Variants in FOXP1 observed in about 807,000 individuals in gnomAD.
The protein encoded by FOXP1 is forkhead box P1.
A neutral mutation model predicts 98.2 loss-of-function variants in FOXP1; 15 were observed. That is an observed-to-expected ratio of 0.15 (90% CI 0.10 to 0.24). The LOEUF (loss-of-function observed/expected upper bound fraction) is 0.24. Ranked by LOEUF, FOXP1 falls within the 10% of genes least tolerant of loss-of-function variation. The pLI is 1.00. For missense variants in FOXP1, 633 were observed against 848.5 expected, an observed-to-expected ratio of 0.75 and a Z score of 3.15; for synonymous variants, 371 against 314.5, an observed-to-expected ratio of 1.18 and a Z score of -1.90.
intron 5 of FOXP1, chr3:71,288,329 T>C (rs2072390037): frequency 6.6e-6 from 1 of 152,228 alleles, no homozygotes. Context: ...TCCTGGATGC[T>C]TGAGGATTTG....
At chr3:71,156,854 T>C (rs907758825) in intron 6 of FOXP1, among the ~76,000 whole-genome samples, 1 of 152,192 alleles carries the variant, frequency 6.6e-6, no homozygotes, top group Non-Finnish European at 1.5e-5. Context: ...GTGGGCCTCC[T>C]AGGCTGCTCA....
At position 71,378,193 on chromosome 3, in the gene FOXP1, G is replaced by T. The variant is rs970167460; in HGVS notation, c.-167-18949C>A. Among the ~76,000 whole-genome samples, 29 of 30,982 alleles carry T rather than the reference G, an allele frequency of 9.4e-4. 1 individual carries two copies. The South Asian group carries it at 0.014, about 14-fold the overall frequency. 20.3% of individuals were successfully genotyped at this position (30,982 alleles called of 152,430 possible). On this transcript the variant is annotated intron_variant, in intron 3 of 20. Coordinates refer to ENST00000649528, the MANE Select transcript of FOXP1 (RefSeq NM_001349338.3). ...GGGTGGATAAAGAGACTCTTTTCTG[G>T]GTCGCTAGCTTCTCTTCCTTTTGCC...
chr3:71,379,407 T>G (rs1242225128), intron 3 of FOXP1, among the ~76,000 whole-genome samples: 1 of 152,174 alleles, frequency 6.6e-6, no homozygotes, highest in Non-Finnish European at 1.5e-5. Flanking sequence ...GTCTAATGCC[T>G]AACACATGTT....
intron 3 of FOXP1, among the ~76,000 whole-genome samples, chr3:71,437,089 T>C (rs541133304): frequency 2.2e-4 from 33 of 152,272 alleles, no homozygotes; most frequent in Admixed American, 3.9e-4. Flanking sequence ...GTCTCTTTGA[T>C]CCAACAATGT....
intron 3 of FOXP1, among the ~76,000 whole-genome samples, chr3:71,431,462 G>A (rs1036645018): frequency 3.9e-5 from 6 of 152,186 alleles, no homozygotes; most frequent in East Asian, 3.9e-4. Flanking sequence ...GCTAAGCTAC[G>A]AGCTTCAGGC....
rs1221312274 is a variant in FOXP1 at position 71,101,432 on chromosome 3, A to G, written c.282+11104T>C. ...GGGGGAAAGAGTGAACTTGGGTTCC[A>G]GAAATGAACTGGGAAGCAGAAAGAA... On this transcript the variant is annotated intron_variant, in intron 7 of 20. Transcript: ENST00000649528. Among the ~76,000 whole-genome samples the G allele has an allele frequency of 2.6e-5, 4 of 151,922 alleles. No individual in the cohort carries two copies. The East Asian group carries it at 7.7e-4, about 29-fold the overall frequency.
At chr3:71,473,441 C>T (rs1577704270) in intron 3 of FOXP1, among the ~76,000 whole-genome samples, 1 of 152,080 alleles carries the variant, frequency 6.6e-6, no homozygotes, top group South Asian at 2.1e-4. Flanking sequence ...TCAGAAGTGG[C>T]TCCCCTCATG....
At chr3:71,032,171 A>C (rs1440850676) in intron 11 of FOXP1, among the ~76,000 whole-genome samples, 1 of 152,242 alleles carries the variant, frequency 6.6e-6, no homozygotes, top group Non-Finnish European at 1.5e-5. Flanking sequence ...TGAATGGGAC[A>C]GATTGCCATA....
At position 71,084,972 on chromosome 3, in the gene FOXP1, T is replaced by C. The variant is rs145628710; in HGVS notation, c.282+27564A>G. ...TTGCTTGAATAAATAAACAAACAAA[T>C]CAATCAATCAATCATTGTTTAAATA... On this transcript the variant is annotated intron_variant, in intron 7 of 20. Transcript: ENST00000649528. Among the ~76,000 whole-genome samples, 350 of 151,832 alleles carry C rather than the reference T, an allele frequency of 2.3e-3. 1 individual carries two copies. The highest frequency in any genetic ancestry group is 8.1e-3 in the African/African-American group (336 of 41,508).
At chr3:71,568,354 G>C (rs974858976) in intron 2 of FOXP1, among the ~76,000 whole-genome samples, 2 of 152,148 alleles carry the variant, frequency 1.3e-5, no homozygotes, top group African/African-American at 4.8e-5. Context: ...GTCCCAACCT[G>C]GTCCTCCTGT....
At chr3:71,375,480 A>T (rs1260410004) in intron 3 of FOXP1, among the ~76,000 whole-genome samples, 2 of 152,182 alleles carry the variant, frequency 1.3e-5, no homozygotes, top group Admixed American at 6.5e-5. Flanking sequence ...TTTGTATAGC[A>T]TACCTTACCT....
At chr3:71,552,011 T>C (rs2045816474) in intron 2 of FOXP1, among the ~76,000 whole-genome samples, 2 of 152,172 alleles carry the variant, frequency 1.3e-5, no homozygotes, top group African/African-American at 4.8e-5. Flanking sequence ...AAGCATGCCA[T>C]TCATCCTTTA....
chr3:71,126,312 G>A (rs893516750), intron 6 of FOXP1, among the ~76,000 whole-genome samples: 8 of 144,920 alleles, frequency 5.5e-5, no homozygotes, highest in African/African-American at 1.6e-4. Context: ...GCGAAACCCC[G>A]TCTCTATTAA....
intron 7 of FOXP1, among the ~76,000 whole-genome samples, chr3:71,106,148 C>T (rs1348921288): frequency 6.6e-6 from 1 of 152,226 alleles, no homozygotes; most frequent in Non-Finnish European, 1.5e-5. Flanking sequence ...TTTAAGGACA[C>T]TGCCTATACT....
intron 6 of FOXP1, among the ~76,000 whole-genome samples, chr3:71,149,691 C>T (rs1017350577): frequency 2.0e-5 from 3 of 152,204 alleles, no homozygotes; most frequent in African/African-American, 7.2e-5. Context: ...ATGCCTCCAT[C>T]TAATTCAGCT....
chr3:71,042,703 C>A (rs1485299888), intron 10 of FOXP1, among the ~76,000 whole-genome samples: 1 of 152,138 alleles, frequency 6.6e-6, no homozygotes, highest in Admixed American at 6.5e-5. Flanking sequence ...GCAGCTGAAA[C>A]AGGCATGTTT....
intron 4 of FOXP1, among the ~76,000 whole-genome samples, chr3:71,314,808 G>A (rs916697769): frequency 2.6e-5 from 4 of 151,892 alleles, no homozygotes; most frequent in Non-Finnish European, 5.9e-5. Flanking sequence ...ACTTTGGGGA[G>A]ATGTTCAAAG....
chr3:71,000,196 G>A (rs1311444556), intron 13 of FOXP1, among the ~76,000 whole-genome samples: 1 of 151,350 alleles, frequency 6.6e-6, no homozygotes, highest in Admixed American at 6.6e-5. Context: ...TAAAAAAAAA[G>A]GCCCCATCTC....
At chr3:71,041,040 G>A (rs915378358) in intron 11 of FOXP1, among the ~76,000 whole-genome samples, 3 of 152,192 alleles carry the variant, frequency 2.0e-5, no homozygotes, top group African/African-American at 7.2e-5. Flanking sequence ...GGCAGAAGGA[G>A]TAGGCCTGGA....
Sources: allele counts gnomAD v4.1 joint callset (sites outside exome capture counted in the v4.1 genomes callset), GRCh38; gene constraint gnomAD v4.1.1; transcripts MANE v1.5; gene names NCBI Gene and HGNC (gene_info 2026-07-23, HGNC 2026-07-21).